AGPAT4: variants seen among roughly 807,000 people sequenced by gnomAD.
The protein encoded by AGPAT4 is 1-acylglycerol-3-phosphate O-acyltransferase 4.
A neutral mutation model predicts 48.0 loss-of-function variants in AGPAT4; 15 were observed. The observed-to-expected ratio is 0.31, with a 90% CI of 0.21 to 0.48. The LOEUF (loss-of-function observed/expected upper bound fraction) is 0.48. Among genes scored for constraint, AGPAT4 ranks in the 20% least tolerant of loss-of-function variants. AGPAT4 has a pLI of 0.99. For synonymous variants in AGPAT4, 178 were observed against 198.7 expected, an observed-to-expected ratio of 0.90 and a Z score of 0.88; for missense variants, 314 against 482.5, an observed-to-expected ratio of 0.65 and a Z score of 3.27.
intron 1 of AGPAT4, among the ~76,000 whole-genome samples, chr6:161,241,683 T>C (rs1782495567): frequency 6.6e-6 from 1 of 152,186 alleles, no homozygotes; most frequent in Non-Finnish European, 1.5e-5. Context: ...GGAAATTAAG[T>C]GTTCTCTAAG....
Position 161,169,023 on chromosome 6 carries a change from T to G in AGPAT4, c.179-2606A>C, listed in dbSNP as rs1422846788. On this transcript the variant is annotated intron_variant, in intron 2 of 8. Coordinates refer to ENST00000320285, the MANE Select transcript of AGPAT4 (RefSeq NM_020133.3). The surrounding 1 kb of genome is among the most constrained non-coding windows in gnomAD (Gnocchi z 5.0). ...AGGCAATCAATAAATGGACAGCTTTTTAATTACTATTATATGCCTGATAAT... is the reference window on the plus strand; with the variant it reads ...AGGCAATCAATAAATGGACAGCTTTGTAATTACTATTATATGCCTGATAAT... Among the ~76,000 whole-genome samples the G allele has an allele frequency of 6.6e-6, 1 of 152,150 alleles. No individual in the cohort carries two copies. The highest frequency in any genetic ancestry group is 1.5e-5 in the Non-Finnish European group (1 of 68,026).
At position 161,201,205 on chromosome 6, in the gene AGPAT4, C is replaced by G. The variant is rs186810360; in HGVS notation, c.178+30831G>C. Among the ~76,000 whole-genome samples the G allele has an allele frequency of 6.6e-6, 1 of 152,128 alleles. No individual in the cohort carries two copies. The highest frequency in any genetic ancestry group is 2.4e-5 in the African/African-American group (1 of 41,508). The stretch of plus-strand genomic sequence containing the variant: ...AGGGGAGTGGGGATTGGAGGCTGTT[C>G]AAGAGAGACTTAATTCTGTACCTAA... On this transcript the variant is annotated intron_variant, in intron 2 of 8. Coordinates refer to ENST00000320285, the MANE Select transcript of AGPAT4 (RefSeq NM_020133.3). The surrounding 1 kb of genome is among the most constrained non-coding windows in gnomAD (Gnocchi z 6.0).
chr6:161,151,286 G>A (rs995862812), intron 5 of AGPAT4, among the ~76,000 whole-genome samples: 7 of 152,242 alleles, frequency 4.6e-5, no homozygotes, highest in African/African-American at 1.7e-4. Flanking sequence ...CCTGAGTCCT[G>A]TGAGGACATC....
In AGPAT4 at chr6:161,232,359, G is replaced by T; in HGVS notation, c.-89-57C>A. 2.6e-6 allele frequency: 2 copies of T among 761,080 alleles called. No homozygotes were observed. The highest frequency in any genetic ancestry group is 4.0e-4 in the Middle Eastern group (1 of 2,508). The allele number at this position is 761,080 out of a possible 1,614,324, so 47.1% of individuals were successfully genotyped here. ...AAAACACGATGTGCTTTTAGAGTCA[G>T]AAAAAAAGTGCTCTGAAAAGAAAAA... On this transcript the variant is annotated intron_variant, in intron 1 of 8. Transcript: ENST00000320285. This position sits in a 1 kb window ranked among gnomAD's most constrained non-coding sequence, Gnocchi z 6.8.
intron 2 of AGPAT4, among the ~76,000 whole-genome samples, chr6:161,170,494 CACACACACACACAT>C (rs1319276425): frequency 2.2e-4 from 33 of 152,288 alleles, no homozygotes; most frequent in African/African-American, 7.9e-4. Context: ...CACACACACA[CACACACACACACAT>C]ACACATATAC....
intron 2 of AGPAT4, among the ~76,000 whole-genome samples, chr6:161,182,945 G>A (rs577681547): frequency 2.0e-5 from 3 of 152,252 alleles, no homozygotes; most frequent in South Asian, 2.1e-4. Flanking sequence ...AAGAGGAAAC[G>A]CCGAGGCATA....
chr6:161,260,185 C>T (rs1783058870), intron 1 of AGPAT4, among the ~76,000 whole-genome samples: 1 of 152,188 alleles, frequency 6.6e-6, no homozygotes, highest in Non-Finnish European at 1.5e-5. Context: ...TTCCTCTTAG[C>T]CCTTTCCATA....
rs1417014342 is a variant in AGPAT4 at position 161,267,694 on chromosome 6, C to T, written c.-90+6244G>A. On this transcript the variant is annotated intron_variant, in intron 1 of 8. Coordinates refer to ENST00000320285, the MANE Select transcript of AGPAT4 (RefSeq NM_020133.3). This position sits in a 1 kb window ranked among gnomAD's most constrained non-coding sequence, Gnocchi z 5.2. ...CCAAGACTGCGCCATTGCACTCCAGCCTGGGCAACAAGAACAAAACTCTGT... is the reference window on the plus strand; with the variant it reads ...CCAAGACTGCGCCATTGCACTCCAGTCTGGGCAACAAGAACAAAACTCTGT... Among the ~76,000 whole-genome samples, 1 of 151,648 alleles carries T rather than the reference C, an allele frequency of 6.6e-6. No individual in the cohort carries two copies. Among genetic ancestry groups the T allele is most frequent in the Non-Finnish European group, 1.5e-5 (1 of 67,938 alleles).
Position 161,171,024 on chromosome 6 carries a change from A to G in AGPAT4, c.179-4607T>C, listed in dbSNP as rs1398003745. ...AAGGACATATTATTTAGAACCTCCAATTTAACTCAGAAAGTTACCAGTGGG... is the reference window on the plus strand; with the variant it reads ...AAGGACATATTATTTAGAACCTCCAGTTTAACTCAGAAAGTTACCAGTGGG... On this transcript the variant is annotated intron_variant, in intron 2 of 8. Transcript: ENST00000320285. The surrounding 1 kb of genome is among the most constrained non-coding windows in gnomAD (Gnocchi z 4.4). Among the ~76,000 whole-genome samples the G allele has an allele frequency of 6.6e-6, 1 of 152,188 alleles. No individual in the cohort carries two copies. The highest frequency in any genetic ancestry group is 2.4e-5 in the African/African-American group (1 of 41,460).
chr6:161,260,674 A>C (rs1039532533), intron 1 of AGPAT4, among the ~76,000 whole-genome samples: 5 of 150,370 alleles, frequency 3.3e-5, no homozygotes, highest in Non-Finnish European at 5.9e-5. Flanking sequence ...AAAAAAAAAA[A>C]AAAAAAAACA....
In AGPAT4 at chr6:161,272,257, A is replaced by C. The variant is rs1271451853; in HGVS notation, c.-90+1681T>G. Among the ~76,000 whole-genome samples, 1 of 152,232 alleles carries C rather than the reference A, an allele frequency of 6.6e-6. No homozygotes were observed. The highest frequency in any genetic ancestry group is 1.5e-5 in the Non-Finnish European group (1 of 68,040). On this transcript the variant is annotated intron_variant, in intron 1 of 8. Transcript: ENST00000320285. This position sits in a 1 kb window ranked among gnomAD's most constrained non-coding sequence, Gnocchi z 4.2. ...CCCATTCTTCCTGCTTCCACATGGCAGGGTTGCTCAAGGTTTATAAGTAAT... is the reference window on the plus strand; with the variant it reads ...CCCATTCTTCCTGCTTCCACATGGCCGGGTTGCTCAAGGTTTATAAGTAAT...
chr6:161,145,650 A>C (rs185837178), intron 7 of AGPAT4, among the ~76,000 whole-genome samples: 1 of 151,742 alleles, frequency 6.6e-6, no homozygotes, highest in African/African-American at 2.4e-5. Flanking sequence ...GGTAGGGTTA[A>C]AGTTCTTATT....
At chr6:161,239,812 T>C (rs531899039) in intron 1 of AGPAT4, among the ~76,000 whole-genome samples, 1 of 152,344 alleles carries the variant, frequency 6.6e-6, no homozygotes, top group Admixed American at 6.5e-5. Flanking sequence ...AGCCTCAGTG[T>C]GAGTACAAAT....
chr6:161,253,779 C>T (rs1378500206), intron 1 of AGPAT4, among the ~76,000 whole-genome samples: 1 of 152,168 alleles, frequency 6.6e-6, no homozygotes, highest in African/African-American at 2.4e-5. Context: ...CTCCTTTCTA[C>T]ATTCAACACT....
intron 1 of AGPAT4, among the ~76,000 whole-genome samples, chr6:161,241,567 C>G (rs1782491080): frequency 6.6e-6 from 1 of 152,146 alleles, no homozygotes; most frequent in Non-Finnish European, 1.5e-5. Flanking sequence ...GAGAGAAAAA[C>G]AAATTGGCAA....
intron 5 of AGPAT4, among the ~76,000 whole-genome samples, chr6:161,150,734 G>C (rs753564268): frequency 3.3e-5 from 5 of 152,170 alleles, no homozygotes; most frequent in Non-Finnish European, 7.3e-5. Flanking sequence ...TAGCTGCCTG[G>C]TCAGGGTGGC....
chr6:161,233,830 T>A lies in AGPAT4; in HGVS notation c.-89-1528A>T, dbSNP rs1359639207. ...ATCGGGATGTAATCCCATCATAAATTGAGGGGCATCTGTAAGAGTTTCACA... is the reference window on the plus strand; with the variant it reads ...ATCGGGATGTAATCCCATCATAAATAGAGGGGCATCTGTAAGAGTTTCACA... On this transcript the variant is annotated intron_variant, in intron 1 of 8. Coordinates refer to ENST00000320285, the MANE Select transcript of AGPAT4 (RefSeq NM_020133.3). This position sits in a 1 kb window ranked among gnomAD's most constrained non-coding sequence, Gnocchi z 5.4. Among the ~76,000 whole-genome samples the A allele has an allele frequency of 6.6e-6, 1 of 152,224 alleles. No individual in the cohort carries two copies. Among genetic ancestry groups the A allele is most frequent in the African/African-American group, 2.4e-5 (1 of 41,458 alleles).
At chr6:161,151,359 T>G (rs1360228983) in intron 5 of AGPAT4, among the ~76,000 whole-genome samples, 1 of 152,172 alleles carries the variant, frequency 6.6e-6, no homozygotes, top group Non-Finnish European at 1.5e-5. Context: ...TGTTGGCTGT[T>G]CTTGGAGACA....
In AGPAT4 at chr6:161,226,190, G is replaced by A. The variant is rs530992833; in HGVS notation, c.178+5846C>T. On this transcript the variant is annotated intron_variant, in intron 2 of 8. Transcript: ENST00000320285. This position sits in a 1 kb window ranked among gnomAD's most constrained non-coding sequence, Gnocchi z 6.3. The stretch of plus-strand genomic sequence containing the variant: ...CCACATTTTGACAGGCTCAAAGGCA[G>A]TGATATGAAGGGTTAGGACAGGGGC... 5.5e-4 allele frequency among the ~76,000 whole-genome samples: 84 copies of A among 152,254 alleles called. No individual in the cohort carries two copies. Among genetic ancestry groups the A allele is most frequent in the African/African-American group, 1.9e-3 (79 of 41,532 alleles).
Sources: gnomAD v4.1 joint callset for allele counts (sites outside exome capture counted in the v4.1 genomes callset) on GRCh38, gnomAD v4.1.1 for gene constraint, Gnocchi (gnomAD v3.1) non-coding constraint, MANE v1.5 for transcripts, NCBI Gene and HGNC (gene_info 2026-07-23, HGNC 2026-07-21) for gene names.